The following STARD13 variants were observed in gnomAD, a reference collection of about 807,000 sequenced individuals.
STARD13 encodes the protein StAR related lipid transfer domain containing 13.
A neutral mutation model predicts 106.4 loss-of-function variants in STARD13; 62 were observed. The observed-to-expected ratio is 0.58, with a 90% CI of 0.48 to 0.72. The LOEUF (loss-of-function observed/expected upper bound fraction) is 0.72. STARD13 is among the 30% of genes least tolerant of loss of function. The pLI is 0.00. For missense variants in STARD13, 1,387 were observed against 1,424.0 expected (o/e 0.97, Z 0.42); for synonymous variants, 565 against 553.0 (o/e 1.02, Z -0.31).
the STARD13 span, among the ~76,000 whole-genome samples, chr13:33,520,732 G>T: frequency 6.6e-6 from 1 of 152,042 alleles, no homozygotes; most frequent in East Asian, 1.9e-4. Flanking sequence ...TGCATCCCAA[G>T]CAGGGATCCC....
chr13:33,449,703 T>C, the STARD13 span, among the ~76,000 whole-genome samples: 1 of 152,216 alleles, frequency 6.6e-6, no homozygotes, highest in East Asian at 1.9e-4. Flanking sequence ...AGTACGGACA[T>C]TTTAACAATA....
intron 2 of STARD13, among the ~76,000 whole-genome samples, chr13:33,167,015 C>CAAAAAA (rs1010175989): frequency 2.9e-5 from 4 of 139,248 alleles, no homozygotes; most frequent in Admixed American, 1.4e-4. Context: ...AAAAAAAAAC[C>CAAAAAA]AAAAAAAAAT....
At chr13:33,458,723 A>T in the STARD13 span, among the ~76,000 whole-genome samples, 6 of 151,560 alleles carry the variant, frequency 4.0e-5, no homozygotes, top group Non-Finnish European at 8.8e-5. Context: ...ACAAAAGGGC[A>T]TCTTCTTGCT....
chr13:33,144,904 A>G (rs550049605), intron 3 of STARD13, among the ~76,000 whole-genome samples: 1 of 152,350 alleles, frequency 6.6e-6, no homozygotes, highest in Admixed American at 6.5e-5. Flanking sequence ...GATCTACGAC[A>G]CACACACAAG....
chr13:33,655,041 C>A, the STARD13 span, among the ~76,000 whole-genome samples: 1 of 152,226 alleles, frequency 6.6e-6, no homozygotes, highest in African/African-American at 2.4e-5. Context: ...CACAAAATAA[C>A]TGCATGGCAT....
chr13:33,269,439 G>C (rs1891054630), intron 1 of STARD13, among the ~76,000 whole-genome samples: 1 of 152,128 alleles, frequency 6.6e-6, no homozygotes, highest in African/African-American at 2.4e-5. Context: ...TGTGACATTG[G>C]GGTCCTTAAG....
At chr13:33,407,065 G>A in the STARD13 span, among the ~76,000 whole-genome samples, 32 of 152,218 alleles carry the variant, frequency 2.1e-4, 1 homozygote, top group Non-Finnish European at 4.4e-4. Context: ...CATTCTTTGA[G>A]AGAGCAGCTC....
chr13:33,409,471 G>A, the STARD13 span, among the ~76,000 whole-genome samples: 2 of 152,166 alleles, frequency 1.3e-5, no homozygotes, highest in Admixed American at 1.3e-4. Context: ...AAATAAAAGG[G>A]ACCTTAAGTT....
the STARD13 span, among the ~76,000 whole-genome samples, chr13:33,357,675 T>C: frequency 6.6e-6 from 1 of 152,196 alleles, no homozygotes; most frequent in Admixed American, 6.5e-5. Context: ...CATCCATCTT[T>C]AAATCCAGTC....
At chr13:33,277,681 C>T (rs140498144) in intron 1 of STARD13, 7 of 152,174 alleles carry the variant, frequency 4.6e-5, no homozygotes, top group Admixed American at 3.9e-4. Flanking sequence ...TCACCCAGGA[C>T]TTCAACTACA....
chr13:33,388,074 A>G, the STARD13 span, among the ~76,000 whole-genome samples: 1 of 152,164 alleles, frequency 6.6e-6, no homozygotes. Flanking sequence ...CTAGAGTTCA[A>G]TGGTGCCTTT....
intron 1 of STARD13, among the ~76,000 whole-genome samples, chr13:33,231,122 GT>G (rs1888897938): frequency 6.6e-6 from 1 of 152,214 alleles, no homozygotes; most frequent in Non-Finnish European, 1.5e-5. Context: ...GGCTGAGTGA[GT>G]GATAAAGGAC....
chr13:33,398,655 A>G, the STARD13 span, among the ~76,000 whole-genome samples: 3 of 152,254 alleles, frequency 2.0e-5, no homozygotes, highest in African/African-American at 7.2e-5. Context: ...CAGACACTTC[A>G]AAACAGAAGA....
At chr13:33,180,263 G>A (rs1293312356) in intron 1 of STARD13, 1 of 152,202 alleles carries the variant, frequency 6.6e-6, no homozygotes, top group Non-Finnish European at 1.5e-5. Flanking sequence ...CTTCTCCTAA[G>A]AGGCTGTTAC....
the STARD13 span, among the ~76,000 whole-genome samples, chr13:33,482,147 T>G: frequency 6.6e-6 from 1 of 152,168 alleles, no homozygotes; most frequent in Non-Finnish European, 1.5e-5. Context: ...ACTGATGAAT[T>G]GACACAATGA....
At chr13:33,608,506 G>A in the STARD13 span, among the ~76,000 whole-genome samples, 1 of 152,128 alleles carries the variant, frequency 6.6e-6, no homozygotes, top group African/African-American at 2.4e-5. Flanking sequence ...AATTTTAAAA[G>A]TATAGAACTG....
chr13:33,360,399 T>C, the STARD13 span, among the ~76,000 whole-genome samples: 3 of 151,672 alleles, frequency 2.0e-5, no homozygotes, highest in African/African-American at 7.3e-5. Flanking sequence ...AGAGACAGGG[T>C]TTCACCGTGT....
the STARD13 span, chr13:33,519,826 T>G: frequency 6.6e-6 from 1 of 152,140 alleles, no homozygotes; most frequent in Non-Finnish European, 1.5e-5. Flanking sequence ...TCGTAATATT[T>G]CCAAGTCCTG....
chr13:33,377,086 T>C, the STARD13 span, among the ~76,000 whole-genome samples: 1,577 of 152,346 alleles, frequency 0.01, 41 homozygotes, highest in African/African-American at 0.036. Context: ...GTTTTATGTA[T>C]TTTATGCAAT....
Sources: allele counts gnomAD v4.1 joint callset (sites outside exome capture counted in the v4.1 genomes callset), GRCh38; gene constraint gnomAD v4.1.1; transcripts MANE v1.5; gene names NCBI Gene and HGNC (gene_info 2026-07-23, HGNC 2026-07-21).